The following SH3D19 variants were observed in gnomAD, a reference collection of about 807,000 sequenced individuals.
SH3D19 encodes the protein SH3 domain containing 19.
SH3D19 carries 58 observed loss-of-function variants against 112.1 expected under a neutral mutation model. That is an observed-to-expected ratio of 0.52 (90% CI 0.42 to 0.64). The LOEUF (loss-of-function observed/expected upper bound fraction) is 0.64. SH3D19 is among the 30% of genes least tolerant of loss of function. The probability of loss-of-function intolerance (pLI) is 0.00; values close to 1 mark genes in which losing one functional copy is unlikely to be tolerated. For missense variants in SH3D19, 1,090 were observed against 1,263.4 expected, an observed-to-expected ratio of 0.86 and a Z score of 2.08; for synonymous variants, 391 against 448.5, an observed-to-expected ratio of 0.87 and a Z score of 1.62.
At chr4:151,195,371 C>CAAAAAAAAAAA (rs58618820) in intron 2 of SH3D19, among the ~76,000 whole-genome samples, 3 of 66,772 alleles carry the variant, frequency 4.5e-5, no homozygotes, top group African/African-American at 1.5e-4. Flanking sequence ...GACTCTGTCT[C>CAAAAAAAAAAA]AAAAAAAAAA....
In SH3D19 at chr4:151,175,753, T is replaced by C. The variant is rs942792263; in HGVS notation, c.530-79A>G. The C allele has an allele frequency of 1.0e-4, 125 of 1,191,812 alleles. 1 individual carries two copies. The African/African-American group carries it at 1.9e-3, about 18-fold the overall frequency. The allele number at this position is 1,191,812 out of a possible 1,614,324, so 73.8% of individuals were successfully genotyped here. A position where few individuals can be genotyped will look rare whatever the true frequency, so the allele number is the denominator to read the frequency against. ...AATGTATAAGGAAAAAAATAGAAGA[T>C]ACACAGATTTAAAACTACATACATG... is the stretch of plus-strand genomic sequence containing the variant. On this transcript the variant is annotated intron_variant, in intron 6 of 19. Coordinates refer to ENST00000604030, the MANE Select transcript of SH3D19 (RefSeq NM_001378122.1).
At chr4:151,171,308 T>C (rs962162692) in intron 7 of SH3D19, among the ~76,000 whole-genome samples, 1 of 152,124 alleles carries the variant, frequency 6.6e-6, no homozygotes, top group African/African-American at 2.4e-5. Context: ...TTCTCAGAGT[T>C]TGGTAATCTG....
chr4:151,244,684 G>A lies in SH3D19; in HGVS notation c.113-18598C>T, dbSNP rs150606949. On this transcript the variant is annotated intron_variant, in intron 1 of 19. Transcript: ENST00000604030. ...GGTGCCAGTGTACCTCAGAAGTGTG[G>A]TAGTCTTTTGTGTCAACAATTTAAA... Among the ~76,000 whole-genome samples the A allele has an allele frequency of 4.1e-3, 631 of 152,332 alleles. 7 individuals are homozygous for A. Among genetic ancestry groups the A allele is most frequent in the African/African-American group, 0.014 (601 of 41,584 alleles).
intron 2 of SH3D19, among the ~76,000 whole-genome samples, chr4:151,210,737 AAAAG>A (rs1765841211): frequency 6.6e-6 from 1 of 152,222 alleles, no homozygotes; most frequent in Non-Finnish European, 1.5e-5. Flanking sequence ...AAGTATGCAC[AAAAG>A]AAAGACTGAA....
intron 2 of SH3D19, among the ~76,000 whole-genome samples, chr4:151,219,117 T>A (rs1386831953): frequency 6.6e-6 from 1 of 152,182 alleles, no homozygotes; most frequent in Admixed American, 6.5e-5. Flanking sequence ...CCTAGTCCCA[T>A]CTGTGTACTT....
chr4:151,289,090 T>G (rs1049165160), intron 1 of SH3D19, among the ~76,000 whole-genome samples: 5 of 152,250 alleles, frequency 3.3e-5, no homozygotes, highest in Non-Finnish European at 5.9e-5. Flanking sequence ...CTTATATTTA[T>G]GGTCAATTAT....
At chr4:151,253,055 T>C (rs1420096775) in intron 1 of SH3D19, among the ~76,000 whole-genome samples, 1 of 152,238 alleles carries the variant, frequency 6.6e-6, no homozygotes, top group Non-Finnish European at 1.5e-5. Flanking sequence ...ATCAATCTAC[T>C]TGCCAGTTTG....
At chr4:151,293,553 T>A (rs925101798) in intron 1 of SH3D19, among the ~76,000 whole-genome samples, 1 of 152,208 alleles carries the variant, frequency 6.6e-6, no homozygotes, top group East Asian at 1.9e-4. Context: ...GTTAGTAGCA[T>A]CTGGATTGCC....
Position 151,301,737 on chromosome 4 carries a change from T to G in SH3D19, c.112+23504A>C, listed in dbSNP as rs138191960. Among the ~76,000 whole-genome samples, 84 of 152,266 alleles carry G rather than the reference T, an allele frequency of 5.5e-4. No homozygotes were observed. In the South Asian group the frequency reaches 9.3e-3, roughly 17 times the overall value. The stretch of plus-strand genomic sequence containing the variant: ...AAAGAAATTACCCAGTTTCAGTTAT[T>G]TCTGTATAACAGGGTGAGAATGGAC... On this transcript the variant is annotated intron_variant, in intron 1 of 19. Coordinates refer to ENST00000604030, the MANE Select transcript of SH3D19 (RefSeq NM_001378122.1).
At chr4:151,272,193 A>C (rs1195034040) in intron 1 of SH3D19, among the ~76,000 whole-genome samples, 5 of 152,240 alleles carry the variant, frequency 3.3e-5, no homozygotes, top group African/African-American at 1.2e-4. Context: ...GGCAAAGATA[A>C]ATAGATAAAA....
At position 151,218,107 on chromosome 4, in the gene SH3D19, C is replaced by T. The variant is rs994737919; in HGVS notation, c.152+7940G>A. On this transcript the variant is annotated intron_variant, in intron 2 of 19. Transcript: ENST00000604030. Reference sequence around the variant, plus strand: ...AAGGCAGATACCACATGTTTCTGTACTATTAAAACATGTTTTCACGTGTTA... The same window carrying T: ...AAGGCAGATACCACATGTTTCTGTATTATTAAAACATGTTTTCACGTGTTA... 1.6e-4 allele frequency among the ~76,000 whole-genome samples: 25 copies of T among 152,028 alleles called. 1 individual carries two copies. The highest frequency in any genetic ancestry group is 1.2e-3 in the Admixed American group (18 of 15,254).
intron 1 of SH3D19, among the ~76,000 whole-genome samples, chr4:151,298,019 G>C (rs969026178): frequency 8.6e-5 from 13 of 152,004 alleles, no homozygotes; most frequent in Admixed American, 8.5e-4. Flanking sequence ...TAGAGCAAGG[G>C]GCCATGAGCC....
At chr4:151,292,862 G>A (rs1291410998) in intron 1 of SH3D19, among the ~76,000 whole-genome samples, 1 of 152,190 alleles carries the variant, frequency 6.6e-6, no homozygotes, top group Non-Finnish European at 1.5e-5. Context: ...GCTCACACCT[G>A]TAATCCCAGC....
chr4:151,282,990 T>C (rs1048276756), intron 1 of SH3D19: 1 of 713,478 alleles, frequency 1.4e-6, no homozygotes, highest in African/African-American at 1.8e-5. Flanking sequence ...CATAAGCAAA[T>C]ATGATTGGAA....
At chr4:151,153,913 G>A (rs1231380865) in intron 9 of SH3D19, among the ~76,000 whole-genome samples, 1 of 151,776 alleles carries the variant, frequency 6.6e-6, no homozygotes, top group Non-Finnish European at 1.5e-5. Context: ...TCTAAAATGT[G>A]GAAGTTGCTT....
rs972828193 is a variant in SH3D19 at position 151,211,575 on chromosome 4, A to T, written c.152+14472T>A. Among the ~76,000 whole-genome samples the T allele has an allele frequency of 1.8e-3, 148 of 82,202 alleles. 1 individual carries two copies. The highest frequency in any genetic ancestry group is 4.8e-3 in the Non-Finnish European group (120 of 25,212). 53.9% of individuals were successfully genotyped at this position (82,202 alleles called of 152,430 possible). A position where few individuals can be genotyped will look rare whatever the true frequency, so the allele number is the denominator to read the frequency against. ...CACCACACATTTAGCAAATCTGTTA[A>T]TTAAAAAAAAAAAAAAAGGTTCTTG... On this transcript the variant is annotated intron_variant, in intron 2 of 19. Transcript: ENST00000604030.
At chr4:151,294,590 C>T (rs1298474632) in intron 1 of SH3D19, among the ~76,000 whole-genome samples, 1 of 152,222 alleles carries the variant, frequency 6.6e-6, no homozygotes, top group Non-Finnish European at 1.5e-5. Context: ...TGTTGGACAA[C>T]ACAACAGACC....
chr4:151,223,399 G>C (rs1768433449), intron 2 of SH3D19, among the ~76,000 whole-genome samples: 1 of 151,752 alleles, frequency 6.6e-6, no homozygotes, highest in Admixed American at 6.6e-5. Flanking sequence ...CCCAAAATTT[G>C]GCCAGTGAAA....
At chr4:151,202,974 T>G (rs530855814) in intron 2 of SH3D19, among the ~76,000 whole-genome samples, 4 of 152,268 alleles carry the variant, frequency 2.6e-5, no homozygotes, top group African/African-American at 9.6e-5. Flanking sequence ...AGAGGCTATT[T>G]GGAATGCTGC....
Sources: allele counts gnomAD v4.1 joint callset (sites outside exome capture counted in the v4.1 genomes callset), GRCh38; gene constraint gnomAD v4.1.1; transcripts MANE v1.5; gene names NCBI Gene and HGNC (gene_info 2026-07-23, HGNC 2026-07-21).